SHISAL1: variants seen among roughly 807,000 people sequenced by gnomAD.
SHISAL1 encodes protein shisa-like-1.
A neutral mutation model predicts 22.6 loss-of-function variants in SHISAL1; 9 were observed. The observed-to-expected ratio is 0.40, with a 90% CI of 0.24 to 0.70. The LOEUF is 0.70. Ranked by LOEUF, SHISAL1 falls within the 30% of genes least tolerant of loss-of-function variation. The probability of loss-of-function intolerance (pLI) is 0.39; values close to 1 mark genes in which losing one functional copy is unlikely to be tolerated. For missense variants in SHISAL1, 246 were observed against 270.6 expected (o/e 0.91, Z 0.64); for synonymous variants, 119 against 115.4 (o/e 1.03, Z -0.20).
At chr22:44,279,637 T>C (rs2055262955) in intron 4 of SHISAL1, among the ~76,000 whole-genome samples, 1 of 152,102 alleles carries the variant, frequency 6.6e-6, no homozygotes, top group African/African-American at 2.4e-5. Context: ...TGAGAAACGG[T>C]GGTACTGGGG....
chr22:44,252,720 C>T (rs536381032), intron 4 of SHISAL1, among the ~76,000 whole-genome samples: 308 of 151,836 alleles, frequency 2.0e-3, no homozygotes, highest in African/African-American at 7.1e-3. Context: ...CAGGGCCGGG[C>T]GTGGTGGCTC....
At chr22:44,260,387 C>T (rs1247842119) in intron 4 of SHISAL1, among the ~76,000 whole-genome samples, 1 of 152,218 alleles carries the variant, frequency 6.6e-6, no homozygotes, top group African/African-American at 2.4e-5. Flanking sequence ...GTGACATGGA[C>T]TCATTCTCAG....
intron 4 of SHISAL1, among the ~76,000 whole-genome samples, chr22:44,256,875 A>C (rs538540941): frequency 1.3e-5 from 2 of 152,248 alleles, no homozygotes; most frequent in African/African-American, 4.8e-5. Context: ...GAAATTACCC[A>C]AAGGATCTGG....
rs1364629837 is a variant in SHISAL1, at chr22:44,245,101, C to T, written c.*4584G>A. ...CCACTCATGGCCTCTCTGACTGTCC[C>T]AGTGCTGTGGGGGCCAAGCAGACAC... On this transcript the variant is annotated 3_prime_UTR_variant, in exon 5 of 5. Transcript: ENST00000381176. 2.0e-5 allele frequency: 3 copies of T among 152,316 alleles called. No homozygotes were observed. Among genetic ancestry groups the T allele is most frequent in the African/African-American group, 7.2e-5 (3 of 41,472 alleles). The allele number at this position is 152,316 out of a possible 1,614,324, so 9.4% of individuals were successfully genotyped here. A position where few individuals can be genotyped will look rare whatever the true frequency, so the allele number is the denominator to read the frequency against.
chr22:44,299,699 G>A (rs966714070), intron 2 of SHISAL1, among the ~76,000 whole-genome samples: 4 of 152,246 alleles, frequency 2.6e-5, no homozygotes, highest in Admixed American at 6.5e-5. Context: ...GAGGTACAGA[G>A]AGACACAGAG....
At position 44,246,675 on chromosome 22, in the gene SHISAL1, ACT is replaced by A. The variant is rs368008875; in HGVS notation, c.*3008_*3009del. 6.7e-3 allele frequency: 1,017 copies of A among 152,282 alleles called. 10 individuals are homozygous for A. The highest frequency in any genetic ancestry group is 0.023 in the African/African-American group (948 of 41,506). The allele number at this position is 152,282 out of a possible 1,614,324, so 9.4% of individuals were successfully genotyped here. On this transcript the variant is annotated 3_prime_UTR_variant, in exon 5 of 5. Transcript: ENST00000381176. ...GAATACACACACACCTGCTTTCCAC[ACT>A]GAGTGTTCACACCCACATGCACACT...
At chr22:44,326,130 C>A in the SHISAL1 span, among the ~76,000 whole-genome samples, 2 of 152,058 alleles carry the variant, frequency 1.3e-5, no homozygotes, top group African/African-American at 4.8e-5. Flanking sequence ...CAGCTGCACA[C>A]GTACAATTCT....
chr22:44,303,238 A>T (rs991318804), intron 1 of SHISAL1, among the ~76,000 whole-genome samples: 2 of 151,824 alleles, frequency 1.3e-5, no homozygotes, highest in African/African-American at 4.9e-5. Context: ...CCCTGGTGGC[A>T]CCCTGTTATG....
At chr22:44,309,189 T>C (rs933348765) in intron 1 of SHISAL1, among the ~76,000 whole-genome samples, 1 of 152,020 alleles carries the variant, frequency 6.6e-6, no homozygotes, top group African/African-American at 2.4e-5. Flanking sequence ...ACCTAACGAG[T>C]CTCTACTGTG....
intron 3 of SHISAL1, among the ~76,000 whole-genome samples, chr22:44,289,542 A>C (rs2055338889): frequency 1.3e-5 from 2 of 151,704 alleles, no homozygotes; most frequent in African/African-American, 4.9e-5. Flanking sequence ...TGCAATTGAC[A>C]CATGACATGA....
At position 44,244,159 on chromosome 22, in the gene SHISAL1, GCT is replaced by G. The variant is rs2054978710; in HGVS notation, c.*5524_*5525del. 6.6e-6 allele frequency: 1 copy of G among 152,188 alleles called. No homozygotes were observed. Among genetic ancestry groups the G allele is most frequent in the Non-Finnish European group, 1.5e-5 (1 of 68,036 alleles). 9.4% of individuals were successfully genotyped at this position (152,188 alleles called of 1,614,324 possible). On this transcript the variant is annotated 3_prime_UTR_variant, in exon 5 of 5. Coordinates refer to ENST00000381176, the MANE Select transcript of SHISAL1 (RefSeq NM_001099294.2). ...AACTGACATGCAATTCCAAGAAGAGGCTCTCTCTTGGGCCACCAGCTTGGTTC... is the reference window on the plus strand; with the variant it reads ...AACTGACATGCAATTCCAAGAAGAGGCTCTCTTGGGCCACCAGCTTGGTTC...
At chr22:44,255,366 C>G (rs925047161) in intron 4 of SHISAL1, among the ~76,000 whole-genome samples, 1 of 152,128 alleles carries the variant, frequency 6.6e-6, no homozygotes, top group Non-Finnish European at 1.5e-5. Context: ...AAACCAAAAT[C>G]CCAACCTTCC....
intron 4 of SHISAL1, among the ~76,000 whole-genome samples, chr22:44,265,725 G>T (rs2055157321): frequency 6.6e-6 from 1 of 152,212 alleles, no homozygotes; most frequent in Non-Finnish European, 1.5e-5. Flanking sequence ...GGATCTTGCA[G>T]ATTGTGCATC....
chr22:44,261,768 C>A (rs536419580), intron 4 of SHISAL1, among the ~76,000 whole-genome samples: 1 of 152,384 alleles, frequency 6.6e-6, no homozygotes, highest in African/African-American at 2.4e-5. Context: ...GGAAACTGTT[C>A]CTGTGTGGCC....
the SHISAL1 span, among the ~76,000 whole-genome samples, chr22:44,330,680 CTGAG>C: frequency 2.6e-5 from 4 of 152,042 alleles, no homozygotes; most frequent in South Asian, 2.1e-4. Context: ...TTTCCTCTGG[CTGAG>C]TAACAAATAC....
chr22:44,329,454 CA>C, the SHISAL1 span, among the ~76,000 whole-genome samples: 4 of 109,496 alleles, frequency 3.7e-5, no homozygotes, highest in East Asian at 7.8e-4. Context: ...CACACACACA[CA>C]CACACACACG....
At chr22:44,252,957 C>T (rs1349387052) in intron 4 of SHISAL1, among the ~76,000 whole-genome samples, 1 of 151,648 alleles carries the variant, frequency 6.6e-6, no homozygotes, top group African/African-American at 2.4e-5. Flanking sequence ...GATCACGCCA[C>T]TGCACTCCAG....
Position 44,279,302 on chromosome 22 carries a change from A to C in SHISAL1, c.599+6126T>G, listed in dbSNP as rs1185809013. Among the ~76,000 whole-genome samples, 3 of 152,332 alleles carry C rather than the reference A, an allele frequency of 2.0e-5. No homozygotes were observed. In the East Asian group the frequency reaches 5.8e-4, roughly 29 times the overall value. ...CTAGCTGGAACCCCCAAGGAGCTGC[A>C]ACTCCATCCCCACTCAGGACATCAA... On this transcript the variant is annotated intron_variant, in intron 4 of 4. Coordinates refer to ENST00000381176, the MANE Select transcript of SHISAL1 (RefSeq NM_001099294.2).
rs1491154287 is a variant in SHISAL1 at position 44,253,425 on chromosome 22, A to ATTTTTTTTTTTTTTTTTTTTT, written c.*-3741_*-3740insAAAAAAAAAAAAAAAAAAAAA. 7.4e-5 allele frequency among the ~76,000 whole-genome samples: 8 copies of ATTTTTTTTTTTTTTTTTTTTT among 107,884 alleles called. 4 individuals are homozygous for ATTTTTTTTTTTTTTTTTTTTT. Among genetic ancestry groups the ATTTTTTTTTTTTTTTTTTTTT allele is most frequent in the African/African-American group, 6.4e-5 (2 of 31,034 alleles). The allele number at this position is 107,884 out of a possible 152,430, so 70.8% of individuals were successfully genotyped here. A position where few individuals can be genotyped will look rare whatever the true frequency, so the allele number is the denominator to read the frequency against. ...AAGCAGAGTATGCTAGTATTAGTGC[A>ATTTTTTTTTTTTTTTTTTTTT]TGTTTTTTTTTTTTTTTTTTTTTGA... On this transcript the variant is annotated intron_variant, in intron 4 of 4. Coordinates refer to ENST00000381176, the MANE Select transcript of SHISAL1 (RefSeq NM_001099294.2).
Sources: allele counts gnomAD v4.1 joint callset (sites outside exome capture counted in the v4.1 genomes callset), GRCh38; gene constraint gnomAD v4.1.1; transcripts MANE v1.5; gene names NCBI Gene and HGNC (gene_info 2026-07-23, HGNC 2026-07-21).